Variants in ARID1B observed in about 807,000 individuals in gnomAD.
The protein encoded by ARID1B is AT-rich interactive domain-containing protein 1B.
ARID1B carries 30 observed loss-of-function variants against 212.3 expected under a neutral mutation model. That is an observed-to-expected ratio of 0.14 (90% CI 0.11 to 0.19). ARID1B has a LOEUF of 0.19. Ranked by LOEUF, ARID1B falls within the 10% of genes least tolerant of loss-of-function variation. The pLI, the probability that ARID1B is intolerant of heterozygous loss-of-function variation, is 1.00. For synonymous variants in ARID1B, 1,402 were observed against 1,301.7 expected, an observed-to-expected ratio of 1.08 and a Z score of -1.66; for missense variants, 2,891 against 3,204.0, an observed-to-expected ratio of 0.90 and a Z score of 2.36.
intron 4 of ARID1B, among the ~76,000 whole-genome samples, chr6:156,949,343 T>G (rs1201998380): frequency 6.6e-6 from 1 of 152,230 alleles, no homozygotes; most frequent in Non-Finnish European, 1.5e-5. Context: ...ATTGAGCTTT[T>G]CAGCCGGGAT....
intron 3 of ARID1B, among the ~76,000 whole-genome samples, chr6:156,916,155 G>A (rs1397982688): frequency 6.6e-6 from 1 of 152,172 alleles, no homozygotes; most frequent in African/African-American, 2.4e-5. Context: ...GTGGAAATTC[G>A]ATTGTATCAG....
At chr6:156,878,140 T>C (rs1345523889) in intron 2 of ARID1B, among the ~76,000 whole-genome samples, 1 of 152,156 alleles carries the variant, frequency 6.6e-6, no homozygotes, top group East Asian at 1.9e-4. Flanking sequence ...CGTTCTGCCT[T>C]CTGTTTTTGC....
At chr6:157,128,079 A>C (rs967146922) in intron 6 of ARID1B, among the ~76,000 whole-genome samples, 1 of 152,004 alleles carries the variant, frequency 6.6e-6, no homozygotes, top group African/African-American at 2.4e-5. Context: ...GATTGCCCCC[A>C]TTTTACAGAT....
chr6:156,859,847 C>G (rs1202366563), intron 2 of ARID1B, among the ~76,000 whole-genome samples: 1 of 152,216 alleles, frequency 6.6e-6, no homozygotes, highest in African/African-American at 2.4e-5. Context: ...GAAAAGCTGT[C>G]ACTTCTAATG....
rs529753654 is a variant in ARID1B at position 156,833,426 on chromosome 6, A to G, written c.1986+4005A>G. On this transcript the variant is annotated intron_variant, in intron 2 of 19. Coordinates refer to ENST00000636930, the MANE Select transcript of ARID1B (RefSeq NM_001374828.1). ...ATTTATTTGTGTCAAGCAGATTTCA[A>G]TTATGTAGACTGAGATTTTTCCTGA... is the stretch of plus-strand genomic sequence containing the variant. 3.9e-5 allele frequency among the ~76,000 whole-genome samples: 6 copies of G among 152,298 alleles called. 1 individual carries two copies. In the South Asian group the frequency reaches 8.3e-4, roughly 21 times the overall value.
chr6:156,991,684 C>T (rs1379873641), intron 4 of ARID1B, among the ~76,000 whole-genome samples: 1 of 152,126 alleles, frequency 6.6e-6, no homozygotes, highest in Non-Finnish European at 1.5e-5. Flanking sequence ...TATTAAGGTA[C>T]TGATTTTTAA....
intron 4 of ARID1B, among the ~76,000 whole-genome samples, chr6:156,951,512 C>T (rs1225345314): frequency 4.0e-5 from 6 of 151,884 alleles, no homozygotes; most frequent in Non-Finnish European, 7.4e-5. Flanking sequence ...GGTGCCATCT[C>T]GGCTCACTGC....
chr6:156,778,710 C>T lies in ARID1B; in HGVS notation c.1030C>T (p.Pro344Ser). The T allele has an allele frequency of 6.6e-7, 1 of 1,523,014 alleles. No homozygotes were observed. Among genetic ancestry groups the T allele is most frequent in the Non-Finnish European group, 8.8e-7 (1 of 1,133,940 alleles). The allele number at this position is 1,523,014 out of a possible 1,614,324, so 94.3% of individuals were successfully genotyped here. A position where few individuals can be genotyped will look rare whatever the true frequency, so the allele number is the denominator to read the frequency against. Residue 344 changes from proline to serine, a missense_variant, in exon 1 of 20, where the codon CCC (proline) becomes TCC (serine). By Grantham distance (74) the Pro-to-Ser change is moderately conservative (BLOSUM62 -1). Around this residue, in one of 7 missense-constraint regions of ARID1B, gnomAD observed 1,643 missense variants for 1,544.0 expected, o/e 1.06. Transcript: ENST00000636930. ...TGATCAACATGGCGGACAACAAAGC[C>T]CCGGGATGGGGATGATGCACTCCGC... ...CFDQHGGQQS[P>S]GMGMMHSASA...
At chr6:156,965,137 T>C (rs1436896244) in intron 4 of ARID1B, among the ~76,000 whole-genome samples, 1 of 152,260 alleles carries the variant, frequency 6.6e-6, no homozygotes, top group Non-Finnish European at 1.5e-5. Flanking sequence ...CCTCTACTTT[T>C]CTTTTGCATA....
chr6:156,932,059 T>C (rs1791772759), intron 3 of ARID1B, among the ~76,000 whole-genome samples: 1 of 143,130 alleles, frequency 7.0e-6, no homozygotes, highest in Non-Finnish European at 1.5e-5. Context: ...GCAGGAGAAT[T>C]GCTTGAGCCT....
intron 9 of ARID1B, 64 bp from the exon 10 acceptor site, chr6:157,173,944 G>A (rs752063348): frequency 3.6e-6 from 5 of 1,397,520 alleles, no homozygotes; most frequent in Admixed American, 3.5e-5. Context: ...AACTTGTGTT[G>A]GCAGGAGTAC....
At chr6:157,058,690 T>C (rs1294117909) in intron 4 of ARID1B, among the ~76,000 whole-genome samples, 1 of 152,218 alleles carries the variant, frequency 6.6e-6, no homozygotes, top group Admixed American at 6.5e-5. Flanking sequence ...AGCTTGAGGC[T>C]CACAGCGTCT....
chr6:156,811,038 C>A (rs910708410), intron 1 of ARID1B, among the ~76,000 whole-genome samples: 1 of 151,978 alleles, frequency 6.6e-6, no homozygotes, highest in Non-Finnish European at 1.5e-5. Flanking sequence ...TGGGGAAGGC[C>A]GCCTCAGACT....
chr6:157,059,444 T>A (rs1184904146), intron 4 of ARID1B, among the ~76,000 whole-genome samples: 1 of 152,248 alleles, frequency 6.6e-6, no homozygotes, highest in African/African-American at 2.4e-5. Flanking sequence ...TATTTGATAG[T>A]ATACTGCAGA....
chr6:156,980,373 C>T (rs1158126462), intron 4 of ARID1B, among the ~76,000 whole-genome samples: 1 of 152,072 alleles, frequency 6.6e-6, no homozygotes, highest in Non-Finnish European at 1.5e-5. Flanking sequence ...ATCCCAGCTA[C>T]TCAGGAGGTT....
rs146620657 is a variant in ARID1B, at chr6:157,203,927, G to T, written c.5325G>T (p.Thr1775=). ...SLKSGLLAES[T]WALDTINILL... is the part of the protein sequence containing the mutation. ...AATCAGGTCTTTTGGCTGAGAGTAC[G>T]TGGGCTTTGGACACTATTAATATTC... The change falls in exon 19 of 20, where the codon ACG becomes ACT. Residue 1775 remains threonine (T), a synonymous_variant. Transcript: ENST00000636930. The surrounding 1 kb of genome is among the most constrained non-coding windows in gnomAD (Gnocchi z 4.4). 1.7e-5 allele frequency: 28 copies of T among 1,614,094 alleles called. No homozygotes were observed. The South Asian group carries it at 2.0e-4, about 11-fold the overall frequency.
At chr6:156,999,531 ACT>A (rs1778793672) in intron 4 of ARID1B, among the ~76,000 whole-genome samples, 2 of 152,108 alleles carry the variant, frequency 1.3e-5, no homozygotes. Flanking sequence ...AGACATTGTC[ACT>A]CTCTTTTCCA....
At chr6:156,851,476 G>A (rs1784576799) in intron 2 of ARID1B, among the ~76,000 whole-genome samples, 1 of 152,204 alleles carries the variant, frequency 6.6e-6, no homozygotes, top group Non-Finnish European at 1.5e-5. Flanking sequence ...GACTCCTTCT[G>A]AAGCCTCTGG....
Position 157,207,529 on chromosome 6 carries a change from A to G in ARID1B, c.6757A>G (p.Met2253Val). 1 of 1,614,174 alleles carries G rather than the reference A, an allele frequency of 6.2e-7. No homozygotes were observed. The highest frequency in any genetic ancestry group is 8.5e-7 in the Non-Finnish European group (1 of 1,180,020). The stretch of plus-strand genomic sequence containing the variant: ...TCGCAAAAACCCAGTCTGTCGAGAA[A>G]TGTCCATGGCGCTTTTATCGAACCT... The part of the protein sequence containing the change: ...GDRKNPVCRE[M>V]SMALLSNLAQ... Residue 2253 changes from methionine to valine, a missense_variant, in exon 20 of 20, where the codon ATG (methionine) becomes GTG (valine). Around this residue, in one of 7 missense-constraint regions of ARID1B, gnomAD observed 187 missense variants for 306.5 expected, o/e 0.61. Transcript: ENST00000636930. This position sits in a 1 kb window ranked among gnomAD's most constrained non-coding sequence, Gnocchi z 8.5.
Sources: allele counts gnomAD v4.1 joint callset (sites outside exome capture counted in the v4.1 genomes callset), GRCh38; gene constraint gnomAD v4.1.1; regional missense constraint gnomAD v4.1.1; non-coding constraint Gnocchi (gnomAD v3.1); transcripts MANE v1.5; gene names NCBI Gene and HGNC (gene_info 2026-07-23, HGNC 2026-07-21).